HNF4G: variants seen among roughly 807,000 people sequenced by gnomAD.
The protein encoded by HNF4G is hepatocyte nuclear factor 4-gamma.
Under a neutral mutation model 50.9 loss-of-function variants are expected in HNF4G, and 21 were observed. The observed-to-expected ratio is 0.41, with a 90% CI of 0.29 to 0.59. The LOEUF is 0.59. Among genes scored for constraint, HNF4G ranks in the 20% least tolerant of loss-of-function variants. The pLI, the probability that HNF4G is intolerant of heterozygous loss-of-function variation, is 0.26. For missense variants in HNF4G, 527 were observed against 559.4 expected (o/e 0.94, Z 0.58); for synonymous variants, 198 against 185.6 (o/e 1.07, Z -0.54).
chr8:75,469,737 C>A (rs1265678641), intron 1 of HNF4G, among the ~76,000 whole-genome samples: 1 of 152,132 alleles, frequency 6.6e-6, no homozygotes, highest in African/African-American at 2.4e-5. Flanking sequence ...ATCATCAAAT[C>A]TCCCCAGGTT....
chr8:75,539,939 A>T lies in HNF4G; in HGVS notation c.-24A>T. 1 of 1,073,886 alleles carries T rather than the reference A, an allele frequency of 9.3e-7. No homozygotes were observed. The highest frequency in any genetic ancestry group is 1.5e-6 in the Non-Finnish European group (1 of 689,644). The allele number at this position is 1,073,886 out of a possible 1,614,324, so 66.5% of individuals were successfully genotyped here. The stretch of plus-strand genomic sequence containing the variant: ...TCACGCACTCTGGGCTTGTGGTGCC[A>T]CTTGTATGTGTGTTTCTAAATCAAT... On this transcript the variant is annotated 5_prime_UTR_variant, in exon 1 of 10. Coordinates refer to ENST00000396423, the MANE Select transcript of HNF4G (RefSeq NM_004133.5).
chr8:75,515,848 C>T lies in HNF4G; in HGVS notation c.-24+25640C>T, dbSNP rs540895804. On this transcript the variant is annotated intron_variant, in intron 2 of 10. Transcript: ENST00000354370. ...TGGTGTGATCTCGGCTCACCACAAC[C>T]TCCCCCTCCTGGGTTTAAGTGATTC... is the stretch of plus-strand genomic sequence containing the variant. Among the ~76,000 whole-genome samples the T allele has an allele frequency of 1.9e-4, 28 of 151,088 alleles. 1 individual carries two copies. In the South Asian group the frequency reaches 5.7e-3, roughly 31 times the overall value.
intron 1 of HNF4G, among the ~76,000 whole-genome samples, chr8:75,478,078 G>A (rs1812282116): frequency 6.6e-6 from 1 of 152,214 alleles, no homozygotes; most frequent in Non-Finnish European, 1.5e-5. Flanking sequence ...TTGGGAGGCC[G>A]AGGCAGGCGG....
intron 2 of HNF4G, among the ~76,000 whole-genome samples, chr8:75,510,790 T>G (rs1419576907): frequency 1.3e-5 from 2 of 152,144 alleles, no homozygotes. Context: ...TATATCCCCA[T>G]AGTTAACATA....
intron 2 of HNF4G, among the ~76,000 whole-genome samples, chr8:75,490,923 T>C (rs1196591634): frequency 2.6e-5 from 4 of 152,186 alleles, no homozygotes; most frequent in African/African-American, 4.8e-5. Context: ...TAGCTTCCTA[T>C]ATTAGTCAGC....
chr8:75,503,012 T>C (rs1812972011), intron 2 of HNF4G, among the ~76,000 whole-genome samples: 1 of 152,182 alleles, frequency 6.6e-6, no homozygotes, highest in Non-Finnish European at 1.5e-5. Flanking sequence ...GCATACACTT[T>C]TTCTGGACAG....
At position 75,530,905 on chromosome 8, in the gene HNF4G, A is replaced by C. The variant is rs1022330155; in HGVS notation, c.-23-12906A>C. Among the ~76,000 whole-genome samples the C allele has an allele frequency of 2.0e-5, 3 of 147,880 alleles. No homozygotes were observed. The Admixed American group carries it at 2.0e-4, about 10-fold the overall frequency. ...CCTCCTGGGTTCGAGTGATTCTCCC[A>C]CCTCAGCCTCCCCAGTAGCTGGGAC... On this transcript the variant is annotated intron_variant, in intron 2 of 10. Coordinates refer to the HNF4G transcript ENST00000354370.
At chr8:75,457,378 A>T (rs900470668) in intron 1 of HNF4G, among the ~76,000 whole-genome samples, 4 of 152,192 alleles carry the variant, frequency 2.6e-5, no homozygotes, top group Non-Finnish European at 5.9e-5. Flanking sequence ...TATGATCCTT[A>T]AGATAGAAGG....
At chr8:75,453,659 G>A (rs1171271813) in intron 1 of HNF4G, among the ~76,000 whole-genome samples, 1 of 152,114 alleles carries the variant, frequency 6.6e-6, no homozygotes, top group Non-Finnish European at 1.5e-5. Flanking sequence ...GCAAAGGTCT[G>A]CAGCTCCATT....
At chr8:75,539,790 A>G (rs1211875827), upstream of HNF4G, 2 of 530,298 alleles carry the variant, frequency 3.8e-6, no homozygotes, top group Non-Finnish European at 6.7e-6. Context: ...AATAAGCAGA[A>G]TATGGCCTGC....
intron 1 of HNF4G, among the ~76,000 whole-genome samples, chr8:75,454,935 GTAAGAAACACACTATA>G (rs1221686298): frequency 6.6e-6 from 1 of 152,110 alleles, no homozygotes; most frequent in Non-Finnish European, 1.5e-5. Flanking sequence ...AATGCTTCTA[GTAAGAAACACACTATA>G]TAGAAACACA....
chr8:75,545,810 A>G (rs1806761695), intron 2 of HNF4G, among the ~76,000 whole-genome samples: 1 of 152,098 alleles, frequency 6.6e-6, no homozygotes, highest in Non-Finnish European at 1.5e-5. Context: ...TTTAATCCCT[A>G]CACCAGGATC....
intron 1 of HNF4G, among the ~76,000 whole-genome samples, chr8:75,415,798 A>T (rs1220199309): frequency 6.6e-6 from 1 of 152,008 alleles, no homozygotes; most frequent in Admixed American, 6.6e-5. Flanking sequence ...GGGGGCATGT[A>T]TATGTACATT....
intron 2 of HNF4G, among the ~76,000 whole-genome samples, chr8:75,493,073 A>G (rs183760505): frequency 1.4e-3 from 210 of 152,276 alleles, no homozygotes; most frequent in African/African-American, 4.7e-3. Flanking sequence ...TCATATACAT[A>G]TGAATCATAA....
intron 1 of HNF4G, among the ~76,000 whole-genome samples, chr8:75,439,924 T>C (rs923863897): frequency 1.4e-3 from 209 of 152,208 alleles, no homozygotes; most frequent in African/African-American, 4.7e-3. Flanking sequence ...TGATTTCTAT[T>C]GTCATGAAAG....
At position 75,430,150 on chromosome 8, in the gene HNF4G, C is replaced by CA. The variant is rs71271861; in HGVS notation, c.-144+22004dup. On this transcript the variant is annotated intron_variant, in intron 1 of 10. Transcript: ENST00000354370. ...TGGTCAACAGAACGAGATCTTGTTT[C>CA]AAAAAAAAAAAAAAAATTAATTGCA... Among the ~76,000 whole-genome samples, 297 of 118,968 alleles carry CA rather than the reference C, an allele frequency of 2.5e-3. 1 individual carries two copies. The highest frequency in any genetic ancestry group is 4.9e-3 in the East Asian group (18 of 3,638). 78.0% of individuals were successfully genotyped at this position (118,968 alleles called of 152,430 possible).
At chr8:75,466,833 G>GC (rs1812000907) in intron 1 of HNF4G, among the ~76,000 whole-genome samples, 1 of 151,876 alleles carries the variant, frequency 6.6e-6, no homozygotes, top group African/African-American at 2.4e-5. Flanking sequence ...ACAGGTGCCT[G>GC]CCACCATGCC....
At chr8:75,535,747 T>C (rs147327181), upstream of HNF4G, among the ~76,000 whole-genome samples, 317 of 152,046 alleles carry the variant, frequency 2.1e-3, no homozygotes, top group African/African-American at 7.2e-3. Context: ...ATAACCCTTA[T>C]TTTATTAGCT....
intron 2 of HNF4G, among the ~76,000 whole-genome samples, chr8:75,547,363 A>G (rs1168319094): frequency 1.3e-5 from 2 of 152,254 alleles, no homozygotes; most frequent in East Asian, 1.9e-4. Context: ...CAAAATGAAG[A>G]TAGTCATTCA....
Sources: gnomAD v4.1 joint callset for allele counts (sites outside exome capture counted in the v4.1 genomes callset) on GRCh38, gnomAD v4.1.1 for gene constraint, MANE v1.5 for transcripts, NCBI Gene and HGNC (gene_info 2026-07-23, HGNC 2026-07-21) for gene names.